SPMIP7: variants seen among roughly 807,000 people sequenced by gnomAD.
The protein encoded by SPMIP7 is sperm microtubule inner protein 7.
chr7:50,151,529 A>T, the SPMIP7 span: 1 of 1,551,278 alleles, frequency 6.4e-7, no homozygotes, highest in East Asian at 2.4e-5. Context: ...TCCATCAACA[A>T]CCCCATCACC....
At chr7:50,113,769 C>T in the SPMIP7 span, among the ~76,000 whole-genome samples, 1 of 151,784 alleles carries the variant, frequency 6.6e-6, no homozygotes, top group African/African-American at 2.4e-5. Context: ...GACACAATGA[C>T]ACAAATTGTT....
chr7:50,101,135 C>G, the SPMIP7 span, among the ~76,000 whole-genome samples: 1 of 152,248 alleles, frequency 6.6e-6, no homozygotes, highest in South Asian at 2.1e-4. Context: ...CTGATAAACT[C>G]TGTTTACTTC....
chr7:50,145,837 C>A, the SPMIP7 span, among the ~76,000 whole-genome samples: 70 of 151,104 alleles, frequency 4.6e-4, 1 homozygote, highest in East Asian at 5.9e-3. Context: ...GCTTGTTTTT[C>A]CAAACTAGGC....
chr7:50,139,556 AT>A, the SPMIP7 span, among the ~76,000 whole-genome samples: 5 of 152,090 alleles, frequency 3.3e-5, no homozygotes, highest in Non-Finnish European at 7.4e-5. Context: ...GGAGATGATA[AT>A]TTTTTTATTC....
At chr7:50,134,840 A>T in the SPMIP7 span, among the ~76,000 whole-genome samples, 3 of 152,200 alleles carry the variant, frequency 2.0e-5, no homozygotes, top group Non-Finnish European at 4.4e-5. Context: ...TAATGTGTGA[A>T]TCTGTTTGTA....
chr7:50,109,476 AG>A, the SPMIP7 span, among the ~76,000 whole-genome samples: 65 of 152,238 alleles, frequency 4.3e-4, no homozygotes, highest in African/African-American at 1.5e-3. Flanking sequence ...CCTGGGTTCA[AG>A]CAATTCTCAT....
the SPMIP7 span, among the ~76,000 whole-genome samples, chr7:50,147,936 T>G: frequency 6.6e-6 from 1 of 152,166 alleles, no homozygotes; most frequent in Non-Finnish European, 1.5e-5. Context: ...TTTCCTCAAA[T>G]GGGGAGTGGA....
chr7:50,143,403 G>A, the SPMIP7 span, among the ~76,000 whole-genome samples: 1 of 152,130 alleles, frequency 6.6e-6, no homozygotes, highest in African/African-American at 2.4e-5. Context: ...CTGACCTCAA[G>A]TGATCCGCCT....
At chr7:50,136,449 T>G in the SPMIP7 span, among the ~76,000 whole-genome samples, 1 of 64,536 alleles carries the variant, frequency 1.5e-5, no homozygotes, top group South Asian at 4.7e-4. Flanking sequence ...GAGAACCGCT[T>G]GGATCCAGGA....
the SPMIP7 span, among the ~76,000 whole-genome samples, chr7:50,103,052 T>TTTTATA: frequency 3.5e-5 from 5 of 143,830 alleles, 1 homozygote; most frequent in African/African-American, 1.3e-4. Flanking sequence ...ATCATATATT[T>TTTTATA]TATATATATA....
the SPMIP7 span, among the ~76,000 whole-genome samples, chr7:50,140,793 C>G: frequency 2.9e-3 from 442 of 152,258 alleles, 2 homozygotes; most frequent in African/African-American, 0.01. Context: ...TACCAGTGGC[C>G]CCAGAAGTCC....
the SPMIP7 span, among the ~76,000 whole-genome samples, chr7:50,134,899 C>T: frequency 2.0e-5 from 3 of 152,142 alleles, no homozygotes; most frequent in African/African-American, 7.2e-5. Context: ...ATAAAATCCA[C>T]ACTCCTTGAC....
chr7:50,157,641 T>G, the SPMIP7 span, among the ~76,000 whole-genome samples: 1 of 152,266 alleles, frequency 6.6e-6, no homozygotes, highest in African/African-American at 2.4e-5. Flanking sequence ...TTTAATTATT[T>G]TTAATTTTTT....
chr7:50,151,572 T>C, the SPMIP7 span: 1 of 1,500,150 alleles, frequency 6.7e-7, no homozygotes, highest in Non-Finnish European at 9.1e-7. Flanking sequence ...GTATGAATCC[T>C]ATTACTCAAT....
At chr7:50,133,332 A>C in the SPMIP7 span, among the ~76,000 whole-genome samples, 119 of 152,234 alleles carry the variant, frequency 7.8e-4, no homozygotes, top group Non-Finnish European at 1.4e-3. Flanking sequence ...TGGCTGCATT[A>C]GTGTGGAATA....
chr7:50,110,591 G>C, the SPMIP7 span, among the ~76,000 whole-genome samples: 30 of 138,952 alleles, frequency 2.2e-4, no homozygotes, highest in African/African-American at 8.0e-4. Flanking sequence ...ATTTACATTT[G>C]ACATAGTATA....
the SPMIP7 span, among the ~76,000 whole-genome samples, chr7:50,136,494 C>T: frequency 6.6e-6 from 1 of 152,276 alleles, no homozygotes. Flanking sequence ...CACGCCACTG[C>T]ACTCCAGCCT....
At chr7:50,141,873 C>T in the SPMIP7 span, 4 of 153,390 alleles carry the variant, frequency 2.6e-5, no homozygotes, top group Non-Finnish European at 5.8e-5. Context: ...GGACTACAGG[C>T]GCCTGCCATC....
the SPMIP7 span, among the ~76,000 whole-genome samples, chr7:50,120,952 G>A: frequency 2.0e-5 from 3 of 152,150 alleles, no homozygotes; most frequent in African/African-American, 4.8e-5. Context: ...TTGGTTCGCA[G>A]AGATTCCTGT....
Sources: gnomAD v4.1 joint callset for allele counts (sites outside exome capture counted in the v4.1 genomes callset) on GRCh38, gnomAD v4.1.1 for gene constraint, MANE v1.5 for transcripts, NCBI Gene and HGNC (gene_info 2026-07-23, HGNC 2026-07-21) for gene names.